The following PSMA8 variants were observed in gnomAD, a reference collection of about 807,000 sequenced individuals.
PSMA8 encodes the protein proteasome subunit alpha-type 8.
A neutral mutation model predicts 32.4 loss-of-function variants in PSMA8; 18 were observed. That is an observed-to-expected ratio of 0.56 (90% CI 0.38 to 0.82). The LOEUF is 0.82. Among genes scored for constraint, PSMA8 ranks in the 40% least tolerant of loss-of-function variants. PSMA8 has a pLI of 0.00. For missense variants in PSMA8, 298 were observed against 300.7 expected (o/e 0.99, Z 0.07); for synonymous variants, 104 against 98.1 (o/e 1.06, Z -0.36).
chr18:26,136,501 G>A (rs2054912474), intron 1 of PSMA8, among the ~76,000 whole-genome samples: 1 of 152,156 alleles, frequency 6.6e-6, no homozygotes, highest in African/African-American at 2.4e-5. Context: ...CCTACAGAAA[G>A]GGGAGAGAGG....
At chr18:26,146,755 C>T (rs1159507418) in intron 2 of PSMA8, among the ~76,000 whole-genome samples, 3 of 152,052 alleles carry the variant, frequency 2.0e-5, no homozygotes. Context: ...AGAGTGAGAC[C>T]CTATGTATCA....
At chr18:26,148,994 A>G (rs2055025040) in intron 2 of PSMA8, among the ~76,000 whole-genome samples, 1 of 151,972 alleles carries the variant, frequency 6.6e-6, no homozygotes, top group African/African-American at 2.4e-5. Context: ...GTGCCACTGC[A>G]CCTGGCAATT....
chr18:26,150,390 T>TG (rs2055036072), intron 2 of PSMA8, among the ~76,000 whole-genome samples: 2 of 151,662 alleles, frequency 1.3e-5, no homozygotes, highest in Non-Finnish European at 2.9e-5. Flanking sequence ...CCAGTGGGAG[T>TG]ACAGTGGCAC....
At chr18:26,163,249 A>G (rs1306446437) in intron 4 of PSMA8, among the ~76,000 whole-genome samples, 1 of 93,428 alleles carries the variant, frequency 1.1e-5, no homozygotes, top group African/African-American at 4.0e-5. Flanking sequence ...ATATATATAT[A>G]TATATATATA....
chr18:26,137,944 G>C (rs547422043), intron 1 of PSMA8, among the ~76,000 whole-genome samples: 4 of 152,064 alleles, frequency 2.6e-5, no homozygotes, highest in East Asian at 3.9e-4. Flanking sequence ...AGAGTGAAGA[G>C]TATTTTTGAC....
chr18:26,171,156 A>C (rs1568065687), intron 4 of PSMA8: 2 of 1,558,892 alleles, frequency 1.3e-6, no homozygotes, highest in Non-Finnish European at 8.5e-7. Flanking sequence ...TTTACCTTCT[A>C]CTGAAGAGGT....
intron 3 of PSMA8, among the ~76,000 whole-genome samples, chr18:26,154,355 A>T (rs1307030039): frequency 6.6e-6 from 1 of 152,194 alleles, no homozygotes; most frequent in African/African-American, 2.4e-5. Flanking sequence ...ACATTACATT[A>T]TTCTACTTAT....
At chr18:26,151,608 A>C (rs1283028695) in intron 2 of PSMA8, among the ~76,000 whole-genome samples, 1 of 152,254 alleles carries the variant, frequency 6.6e-6, no homozygotes, top group Non-Finnish European at 1.5e-5. Context: ...CAAGTTTACT[A>C]TTAGTGTTTA....
At chr18:26,140,246 G>A in intron 1 of PSMA8, 1 of 659,148 alleles carries the variant, frequency 1.5e-6, no homozygotes, top group Admixed American at 2.3e-5. Flanking sequence ...GGCTGGCTTG[G>A]CACCACAGGT....
At chr18:26,179,372 G>A (rs1224216418) in intron 6 of PSMA8, among the ~76,000 whole-genome samples, 1 of 151,170 alleles carries the variant, frequency 6.6e-6, no homozygotes, top group East Asian at 1.9e-4. Flanking sequence ...AGAATCAAGC[G>A]ATCAGCCCGC....
At chr18:26,177,671 A>G (rs2055274414) in intron 4 of PSMA8, among the ~76,000 whole-genome samples, 1 of 152,202 alleles carries the variant, frequency 6.6e-6, no homozygotes, top group Non-Finnish European at 1.5e-5. Context: ...AAAATGTGTA[A>G]AGAACAAAGA....
In PSMA8 at chr18:26,145,741, T is replaced by A. The variant is rs138048692; in HGVS notation, c.229+1056T>A. ...GTATTCCATGGAATAAAGGCACCAG[T>A]GGGTTTGTTAACTCTCCTATTGAGG... On this transcript the variant is annotated intron_variant, in intron 2 of 6. Transcript: ENST00000415576. 5.2e-3 allele frequency among the ~76,000 whole-genome samples: 785 copies of A among 152,294 alleles called. 6 individuals carry two copies. Among genetic ancestry groups the A allele is most frequent in the African/African-American group, 0.018 (740 of 41,560 alleles).
intron 6 of PSMA8, among the ~76,000 whole-genome samples, chr18:26,180,022 G>A (rs926803895): frequency 1.3e-5 from 2 of 151,964 alleles, no homozygotes; most frequent in African/African-American, 4.8e-5. Flanking sequence ...AGGCTGAGGC[G>A]GATGGATCAC....
At chr18:26,159,626 A>T (rs952704815) in intron 4 of PSMA8, among the ~76,000 whole-genome samples, 1 of 151,878 alleles carries the variant, frequency 6.6e-6, no homozygotes, top group African/African-American at 2.4e-5. Context: ...GGTTTACATA[A>T]TTTTTCGGTT....
At chr18:26,173,407 A>G (rs2055239755) in intron 4 of PSMA8, among the ~76,000 whole-genome samples, 1 of 152,168 alleles carries the variant, frequency 6.6e-6, no homozygotes, top group African/African-American at 2.4e-5. Context: ...ACTGTAGCCC[A>G]TTCTCAATGC....
chr18:26,171,851 A>G (rs1398524030), intron 4 of PSMA8, among the ~76,000 whole-genome samples: 16 of 152,274 alleles, frequency 1.1e-4, no homozygotes, highest in Non-Finnish European at 1.5e-5. Flanking sequence ...GGCAGAAGAC[A>G]CAAGACCCTC....
At chr18:26,154,148 C>T (rs375947807) in intron 3 of PSMA8, among the ~76,000 whole-genome samples, 7 of 152,270 alleles carry the variant, frequency 4.6e-5, no homozygotes, top group East Asian at 3.9e-4. Context: ...GTGATCTGCC[C>T]GTCTCAGCCT....
chr18:26,179,000 A>C, intron 5 of PSMA8, 51 bp downstream of exon 5: 1 of 1,606,642 alleles, frequency 6.2e-7, no homozygotes, highest in African/African-American at 1.3e-5. Flanking sequence ...TTTTTTCCTC[A>C]TCCATTTTTG....
intron 5 of PSMA8, 46 bp from the exon 6 acceptor site, chr18:26,179,022 C>CA: frequency 6.2e-7 from 1 of 1,605,386 alleles, no homozygotes; most frequent in African/African-American, 1.3e-5. Context: ...TTATTAAACA[C>CA]AAAATTTGCT....
Sources: allele counts gnomAD v4.1 joint callset (sites outside exome capture counted in the v4.1 genomes callset), GRCh38; gene constraint gnomAD v4.1.1; transcripts MANE v1.5; gene names NCBI Gene and HGNC (gene_info 2026-07-23, HGNC 2026-07-21).